The following ATIC variants were observed in gnomAD, a reference collection of about 807,000 sequenced individuals.
ATIC encodes 5-aminoimidazole-4-carboxamide ribonucleotide formyltransferase/IMP cyclohydrolase.
In ATIC, 64 loss-of-function variants were observed where a neutral mutation model predicts 72.5. The ratio of observed to expected loss-of-function variants is 0.88; its 90% CI spans 0.72 to 1.09. The LOEUF (loss-of-function observed/expected upper bound fraction) is 1.09, where lower values mean the gene tolerates loss of function less well. Ranked by LOEUF, ATIC falls within the 50% of genes least tolerant of loss-of-function variation. The pLI, the probability that ATIC is intolerant of heterozygous loss-of-function variation, is 0.00. For synonymous variants in ATIC, 281 were observed against 267.1 expected (o/e 1.05, Z -0.51); for missense variants, 787 against 732.4 (o/e 1.07, Z -0.86).
intron 14 of ATIC, chr2:215,347,670 ACTG>A: frequency 2.1e-6 from 1 of 487,194 alleles, no homozygotes; most frequent in Non-Finnish European, 4.1e-6. Flanking sequence ...GCAGAATGTA[ACTG>A]AAGTCCTTAA....
At chr2:215,365,966 A>ATTTTT in the ATIC span, among the ~76,000 whole-genome samples, 2 of 90,352 alleles carry the variant, frequency 2.2e-5, no homozygotes, top group African/African-American at 9.4e-5. Flanking sequence ...CCACAGTGCT[A>ATTTTT]TTTTTTTTTT....
intron 2 of ATIC, 159 bp from the exon 3 acceptor site, chr2:215,317,998 A>T: frequency 1.5e-6 from 1 of 680,762 alleles, no homozygotes; most frequent in Non-Finnish European, 2.5e-6. Context: ...ATAGAATTTT[A>T]CTTAAGAAAT....
intron 10 of ATIC, among the ~76,000 whole-genome samples, chr2:215,335,489 A>C (rs536947308): frequency 4.6e-5 from 7 of 152,274 alleles, no homozygotes; most frequent in Admixed American, 2.6e-4. Context: ...AAGGGGAAAA[A>C]AATAAGCAGA....
chr2:215,312,457 A>G (rs2052663865), intron 1 of ATIC, 41 bp from the exon 2 acceptor site: 2 of 1,614,154 alleles, frequency 1.2e-6, no homozygotes, highest in South Asian at 1.1e-5. Flanking sequence ...AACACAGTGC[A>G]ATGTGCTGCG....
intron 12 of ATIC, among the ~76,000 whole-genome samples, chr2:215,340,277 A>G (rs981369747): frequency 2.0e-5 from 3 of 152,224 alleles, no homozygotes; most frequent in South Asian, 2.1e-4. Flanking sequence ...CATCGTGTCA[A>G]TTGTGAAGAT....
chr2:215,334,614 A>G (rs1260264617), intron 9 of ATIC, among the ~76,000 whole-genome samples: 1 of 152,246 alleles, frequency 6.6e-6, no homozygotes, highest in Non-Finnish European at 1.5e-5. Flanking sequence ...ACCATAGTTT[A>G]TCATCTACAG....
At chr2:215,360,466 A>G in the ATIC span, 2 of 152,198 alleles carry the variant, frequency 1.3e-5, no homozygotes, top group Non-Finnish European at 2.9e-5. Context: ...TTAATATCTT[A>G]GTCATTTTTA....
the ATIC span, chr2:215,361,000 C>T: frequency 6.4e-6 from 1 of 156,748 alleles, no homozygotes; most frequent in African/African-American, 2.4e-5. Flanking sequence ...GTTTTCAATA[C>T]AATTTTTTCC....
chr2:215,349,388 T>TTGGG (rs1159517950), intron 15 of ATIC, 139 bp downstream of exon 15: 1 of 1,568,684 alleles, frequency 6.4e-7, no homozygotes, highest in Admixed American at 1.7e-5. Context: ...GACTTCTCCA[T>TTGGG]TGGGTGGATG....
chr2:215,351,541 G>T (rs915224752), downstream of ATIC, among the ~76,000 whole-genome samples: 1 of 152,108 alleles, frequency 6.6e-6, no homozygotes, highest in Non-Finnish European at 1.5e-5. Context: ...TTGAGGCCAG[G>T]AGTTCAAGAC....
intron 9 of ATIC, 95 bp downstream of exon 9, chr2:215,333,552 T>C (rs1022954555): frequency 7.9e-6 from 7 of 885,228 alleles, no homozygotes; most frequent in Admixed American, 2.6e-5. Context: ...AAAAAATATA[T>C]AGATATTCTG....
intron 12 of ATIC, among the ~76,000 whole-genome samples, chr2:215,340,592 T>TC (rs1196486522): frequency 6.6e-6 from 1 of 152,188 alleles, no homozygotes; most frequent in African/African-American, 2.4e-5. Context: ...AGTTGACTTG[T>TC]CCTTCTTTTG....
At chr2:215,362,408 A>G in the ATIC span, 1 of 325,776 alleles carries the variant, frequency 3.1e-6, no homozygotes, top group Non-Finnish European at 5.9e-6. Context: ...GATGATAGAA[A>G]AGGTTTTCAA....
chr2:215,366,411 C>T, the ATIC span, among the ~76,000 whole-genome samples: 44 of 152,264 alleles, frequency 2.9e-4, no homozygotes, highest in South Asian at 6.2e-4. Flanking sequence ...GATCTCTACA[C>T]GCCACCACCT....
At chr2:215,312,338 G>C (rs2052661959) in intron 1 of ATIC, 160 bp from the exon 2 acceptor site, 3 of 1,496,262 alleles carry the variant, frequency 2.0e-6, no homozygotes, top group East Asian at 2.3e-5. Context: ...AGAGCAGCTC[G>C]CGGGTGTAAG....
chr2:215,361,524 C>T, the ATIC span: 3 of 1,459,550 alleles, frequency 2.1e-6, 1 homozygote, highest in South Asian at 3.4e-5. Flanking sequence ...GGCAGAGAGA[C>T]ATGCTTGTTC....
intron 2 of ATIC, among the ~76,000 whole-genome samples, chr2:215,314,183 A>G (rs1471233840): frequency 6.6e-6 from 1 of 152,140 alleles, no homozygotes; most frequent in Admixed American, 6.5e-5. Context: ...AAAAACTGGA[A>G]ATGTAAATGT....
chr2:215,319,730 A>G lies in ATIC; in HGVS notation c.289A>G (p.Arg97Gly). ...DMARLDFNLI[R>G]VVACNLYPFV... is the part of the protein sequence containing the mutation. ...GGCCAGACTTGATTTCAATCTTATA[A>G]GGTAAAAACCTGAAATTAAACTTTT... The change falls in exon 4 of 16, where the codon AGA (arginine) becomes GGA (glycine). Residue 97 changes from arginine (R) to glycine (G), a missense_variant and splice_region_variant. Transcript: ENST00000236959. The G allele has an allele frequency of 6.2e-7, 1 of 1,604,986 alleles. No individual in the cohort carries two copies. Among genetic ancestry groups the G allele is most frequent in the Non-Finnish European group, 8.5e-7 (1 of 1,171,688 alleles).
the ATIC span, among the ~76,000 whole-genome samples, chr2:215,364,168 T>C: frequency 6.6e-6 from 1 of 152,254 alleles, no homozygotes; most frequent in Non-Finnish European, 1.5e-5. Context: ...TCTTCAACTA[T>C]ATCATTAAGA....
Sources: allele counts gnomAD v4.1 joint callset (sites outside exome capture counted in the v4.1 genomes callset), GRCh38; gene constraint gnomAD v4.1.1; transcripts MANE v1.5; gene names NCBI Gene and HGNC (gene_info 2026-07-23, HGNC 2026-07-21).